Variants in SLC2A9 observed in about 807,000 individuals in gnomAD.
SLC2A9 encodes solute carrier family 2 member 9, also known as solute carrier family 2, facilitated glucose transporter member 9.
Under a neutral mutation model 50.6 loss-of-function variants are expected in SLC2A9, and 39 were observed. The ratio of observed to expected loss-of-function variants is 0.77; its 90% CI spans 0.60 to 1.01. SLC2A9 has a LOEUF of 1.01. Ranked by LOEUF, SLC2A9 falls within the 50% of genes least tolerant of loss-of-function variation. SLC2A9 has a pLI of 0.00. For missense variants in SLC2A9, 686 were observed against 677.6 expected (o/e 1.01, Z -0.14); for synonymous variants, 324 against 276.9 (o/e 1.17, Z -1.69).
intron 5 of SLC2A9, among the ~76,000 whole-genome samples, chr4:9,964,622 G>C (rs754247744): frequency 2.0e-5 from 3 of 152,120 alleles, no homozygotes; most frequent in Non-Finnish European, 4.4e-5. Context: ...AAATAGATGA[G>C]TACATTTCTT....
intron 1 of SLC2A9, among the ~76,000 whole-genome samples, chr4:10,036,713 G>A (rs1344581087): frequency 1.3e-5 from 2 of 152,206 alleles, no homozygotes; most frequent in African/African-American, 4.8e-5. Context: ...GAGCACGTAT[G>A]GGTAAATCAT....
At chr4:9,917,196 A>C (rs953537612) in intron 7 of SLC2A9, among the ~76,000 whole-genome samples, 1 of 152,156 alleles carries the variant, frequency 6.6e-6, no homozygotes, top group South Asian at 2.1e-4. Flanking sequence ...GACAGGTCTA[A>C]TTTTAGAGAA....
intron 5 of SLC2A9, 135 bp from the exon 6 acceptor site, chr4:9,942,180 G>A: frequency 9.2e-7 from 1 of 1,085,254 alleles, no homozygotes; most frequent in Non-Finnish European, 1.4e-6. Context: ...AAAGGCTGAG[G>A]GAAGGAACTG....
At chr4:9,856,364 A>G (rs144113518) in intron 10 of SLC2A9, among the ~76,000 whole-genome samples, 131 of 152,362 alleles carry the variant, frequency 8.6e-4, no homozygotes, top group African/African-American at 2.8e-3. Flanking sequence ...ATAATAAAAA[A>G]TGCTCAATAT....
chr4:9,947,472 G>A (rs1005069370), intron 5 of SLC2A9, among the ~76,000 whole-genome samples: 25 of 152,194 alleles, frequency 1.6e-4, no homozygotes, highest in African/African-American at 5.8e-4. Context: ...CATGAGGTTA[G>A]TGTATTAATA....
chr4:9,785,156 G>A (rs1719056393), intron 3 of SLC2A9, among the ~76,000 whole-genome samples: 1 of 152,224 alleles, frequency 6.6e-6, no homozygotes, highest in Admixed American at 6.5e-5. Context: ...GGATTCAGGA[G>A]ATCGTCGCAT....
At chr4:9,821,530 G>T (rs747411238), downstream of SLC2A9, among the ~76,000 whole-genome samples, 54 of 152,134 alleles carry the variant, frequency 3.5e-4, 1 homozygote, top group Non-Finnish European at 1.3e-4. Context: ...AGAGCATTAG[G>T]AGAAATATCT....
At chr4:9,816,146 G>A (rs1252761834) in intron 3 of SLC2A9, among the ~76,000 whole-genome samples, 3 of 151,428 alleles carry the variant, frequency 2.0e-5, no homozygotes, top group African/African-American at 7.3e-5. Context: ...CTCCAGCCTG[G>A]GTAACAGAGC....
At chr4:9,973,911 T>A (rs1427487346) in intron 5 of SLC2A9, among the ~76,000 whole-genome samples, 1 of 149,494 alleles carries the variant, frequency 6.7e-6, no homozygotes, top group Non-Finnish European at 1.5e-5. Context: ...TGAACATAGA[T>A]GAAAAAATCC....
intron 3 of SLC2A9, among the ~76,000 whole-genome samples, chr4:9,987,602 T>C (rs561613538): frequency 6.6e-6 from 1 of 152,300 alleles, no homozygotes; most frequent in African/African-American, 2.4e-5. Context: ...ATCTTAGAAC[T>C]TGCGCTCTTC....
intron 10 of SLC2A9, among the ~76,000 whole-genome samples, chr4:9,872,613 G>T (rs562603596): frequency 3.3e-5 from 5 of 152,294 alleles, no homozygotes; most frequent in African/African-American, 1.2e-4. Flanking sequence ...GAAAGGGAAA[G>T]ATATATATAT....
intron 8 of SLC2A9, among the ~76,000 whole-genome samples, chr4:9,900,236 C>T (rs1192390796): frequency 1.3e-5 from 2 of 152,128 alleles, no homozygotes; most frequent in African/African-American, 4.8e-5. Flanking sequence ...CCCTGCATCC[C>T]ATGAGCCACA....
chr4:9,854,232 A>G (rs576489868), intron 10 of SLC2A9, among the ~76,000 whole-genome samples: 3 of 152,272 alleles, frequency 2.0e-5, no homozygotes, highest in Non-Finnish European at 4.4e-5. Flanking sequence ...TAAGACTGAT[A>G]GGCCACTATC....
chr4:9,919,033 T>C (rs141701377), intron 7 of SLC2A9, among the ~76,000 whole-genome samples: 45 of 152,266 alleles, frequency 3.0e-4, no homozygotes, highest in South Asian at 6.2e-4. Flanking sequence ...CTGTGGAGAA[T>C]TGAATTCTGT....
At chr4:9,818,877 C>T (rs1370094184) in intron 3 of SLC2A9, among the ~76,000 whole-genome samples, 1 of 152,046 alleles carries the variant, frequency 6.6e-6, no homozygotes, top group East Asian at 1.9e-4. Context: ...AATCCCAGCA[C>T]TTTGGGAGGC....
intron 10 of SLC2A9, chr4:9,880,204 C>T (rs1734970167): frequency 1.0e-6 from 1 of 985,444 alleles, no homozygotes; most frequent in Non-Finnish European, 1.2e-6. Flanking sequence ...AGGTAAGTTC[C>T]CTGAGGCTTT....
At chr4:9,869,875 T>TC (rs1430690641) in intron 10 of SLC2A9, among the ~76,000 whole-genome samples, 1 of 152,258 alleles carries the variant, frequency 6.6e-6, no homozygotes, top group African/African-American at 2.4e-5. Flanking sequence ...TACATCCATG[T>TC]CCTCATCCTG....
At chr4:9,911,499 C>T (rs938727851) in intron 7 of SLC2A9, among the ~76,000 whole-genome samples, 9 of 152,162 alleles carry the variant, frequency 5.9e-5, no homozygotes, top group Non-Finnish European at 1.0e-4. Flanking sequence ...CCCCGGAGCC[C>T]CGCCAGCCCC....
intron 3 of SLC2A9, among the ~76,000 whole-genome samples, chr4:9,814,530 T>C (rs560453506): frequency 6.6e-6 from 1 of 152,330 alleles, no homozygotes; most frequent in South Asian, 2.1e-4. Flanking sequence ...AAAGCAACAA[T>C]AATTTATTAT....
Sources: allele counts gnomAD v4.1 joint callset (sites outside exome capture counted in the v4.1 genomes callset), GRCh38; gene constraint gnomAD v4.1.1; transcripts MANE v1.5; gene names NCBI Gene and HGNC (gene_info 2026-07-23, HGNC 2026-07-21).